The following ERBB4 variants were observed in gnomAD, a reference collection of about 807,000 sequenced individuals.
The protein encoded by ERBB4 is receptor tyrosine-protein kinase erbB-4.
Under a neutral mutation model 158.0 loss-of-function variants are expected in ERBB4, and 42 were observed. That is an observed-to-expected ratio of 0.27 (90% CI 0.21 to 0.34). The LOEUF (loss-of-function observed/expected upper bound fraction) is 0.34, where lower values mean the gene tolerates loss of function less well. Ranked by LOEUF, ERBB4 falls within the 10% of genes least tolerant of loss-of-function variation. ERBB4 has a pLI of 1.00. For synonymous variants in ERBB4, 583 were observed against 558.7 expected, an observed-to-expected ratio of 1.04 and a Z score of -0.61; for missense variants, 1,333 against 1,624.1, an observed-to-expected ratio of 0.82 and a Z score of 3.08.
At chr2:211,659,677 T>C (rs896932271) in intron 15 of ERBB4, among the ~76,000 whole-genome samples, 1 of 152,122 alleles carries the variant, frequency 6.6e-6, no homozygotes, top group African/African-American at 2.4e-5. Flanking sequence ...AAAGTGTGAA[T>C]ATGAAAGATA....
At chr2:211,580,436 GCAC>G (rs2068032535) in intron 19 of ERBB4, among the ~76,000 whole-genome samples, 1 of 151,686 alleles carries the variant, frequency 6.6e-6, no homozygotes, top group Admixed American at 6.6e-5. Context: ...CAAATCAAAA[GCAC>G]AATGAGATAC....
chr2:211,877,168 T>C (rs577964718), intron 3 of ERBB4, among the ~76,000 whole-genome samples: 1 of 152,324 alleles, frequency 6.6e-6, no homozygotes, highest in East Asian at 1.9e-4. Context: ...AAAAGGTATA[T>C]GTATTTTATC....
intron 25 of ERBB4, among the ~76,000 whole-genome samples, chr2:211,405,260 G>T (rs1574423813): frequency 6.6e-6 from 1 of 152,048 alleles, no homozygotes; most frequent in East Asian, 1.9e-4. Flanking sequence ...TGAATTAAAA[G>T]AAAATATGAG....
chr2:212,022,693 A>G (rs1479082876), intron 2 of ERBB4, among the ~76,000 whole-genome samples: 1 of 152,140 alleles, frequency 6.6e-6, no homozygotes, highest in Non-Finnish European at 1.5e-5. Context: ...TTAAAAAATA[A>G]AAAACATAAA....
In ERBB4 at chr2:212,314,208, T is replaced by C. The variant is rs555859436; in HGVS notation, c.83-189305A>G. 4.6e-5 allele frequency among the ~76,000 whole-genome samples: 7 copies of C among 151,334 alleles called. No homozygotes were observed. The South Asian group carries it at 1.2e-3, about 27-fold the overall frequency. On this transcript the variant is annotated intron_variant, in intron 1 of 27. Coordinates refer to ENST00000342788, the MANE Select transcript of ERBB4 (RefSeq NM_005235.3). ...TTTGCCAAAAATATTTTTAAAAGCA[T>C]TGAATTGAAAATCTTGTTTTTAAGT...
intron 3 of ERBB4, among the ~76,000 whole-genome samples, chr2:211,842,949 C>G (rs1430730678): frequency 6.6e-6 from 1 of 152,024 alleles, no homozygotes; most frequent in Non-Finnish European, 1.5e-5. Context: ...TGGACAACTC[C>G]ACTTCTTCTG....
chr2:212,098,390 C>T (rs1176962865), intron 2 of ERBB4, among the ~76,000 whole-genome samples: 5 of 152,138 alleles, frequency 3.3e-5, no homozygotes, highest in Non-Finnish European at 5.9e-5. Context: ...TGAGAAAAAT[C>T]CTCATGGCCT....
intron 13 of ERBB4, 50 bp from the exon 14 acceptor site, chr2:211,673,307 T>C (rs2071917898): frequency 1.5e-6 from 2 of 1,343,108 alleles, no homozygotes. Flanking sequence ...AAGCGTCAAC[T>C]TAACAAATGA....
At chr2:212,489,039 A>C (rs1208554453) in intron 1 of ERBB4, among the ~76,000 whole-genome samples, 1 of 150,902 alleles carries the variant, frequency 6.6e-6, no homozygotes, top group African/African-American at 2.4e-5. Context: ...GCAATTGATA[A>C]AAGTTAATTG....
chr2:211,519,419 C>T (rs1263476985), intron 20 of ERBB4, among the ~76,000 whole-genome samples: 1 of 152,058 alleles, frequency 6.6e-6, no homozygotes, highest in Non-Finnish European at 1.5e-5. Flanking sequence ...TCCCTATCTC[C>T]TCCACTGCCA....
rs1176092000 is a variant in ERBB4 at position 211,464,982 on chromosome 2, CTTT to C, written c.2488-33885_2488-33883del. Among the ~76,000 whole-genome samples, 6 of 21,404 alleles carry C rather than the reference CTTT, an allele frequency of 2.8e-4. No individual in the cohort carries two copies. In the South Asian group the frequency reaches 0.016, roughly 56 times the overall value. 14.0% of individuals were successfully genotyped at this position (21,404 alleles called of 152,430 possible). A position where few individuals can be genotyped will look rare whatever the true frequency, so the allele number is the denominator to read the frequency against. Reference sequence around the variant, plus strand: ...CTTACCTTGTTTTTCTTTTTTTTTTCTTTTTTTTTTTTTTGAGGCAAGGTCTTC... The same window carrying C: ...CTTACCTTGTTTTTCTTTTTTTTTTCTTTTTTTTTTTGAGGCAAGGTCTTC... On this transcript the variant is annotated intron_variant, in intron 20 of 27. Transcript: ENST00000342788.
chr2:211,586,466 A>G (rs2068281694), intron 19 of ERBB4, among the ~76,000 whole-genome samples: 1 of 152,144 alleles, frequency 6.6e-6, no homozygotes, highest in African/African-American at 2.4e-5. Flanking sequence ...TTAAAGTTAG[A>G]TATTGATCTG....
At chr2:211,800,058 T>C (rs1176475142) in intron 3 of ERBB4, among the ~76,000 whole-genome samples, 1 of 152,174 alleles carries the variant, frequency 6.6e-6, no homozygotes, top group Non-Finnish European at 1.5e-5. Context: ...AATATAGAAC[T>C]TTCCTTTTTA....
chr2:212,174,829 A>T (rs1354509736), intron 1 of ERBB4, among the ~76,000 whole-genome samples: 3 of 152,078 alleles, frequency 2.0e-5, no homozygotes, highest in African/African-American at 7.2e-5. Context: ...AAGAATTTAA[A>T]TTGCTGCTGT....
chr2:212,207,802 G>A (rs1352999210), intron 1 of ERBB4, among the ~76,000 whole-genome samples: 1 of 151,842 alleles, frequency 6.6e-6, no homozygotes, highest in African/African-American at 2.4e-5. Context: ...CTTTATAGTA[G>A]GTCATTTACT....
intron 2 of ERBB4, among the ~76,000 whole-genome samples, chr2:212,082,752 GTAA>G (rs1382029105): frequency 6.6e-6 from 1 of 151,974 alleles, no homozygotes; most frequent in East Asian, 1.9e-4. Flanking sequence ...CCAGGTAAAA[GTAA>G]TAACTCAGCA....
chr2:211,788,126 T>C lies in ERBB4; in HGVS notation c.455A>G (p.Asn152Ser), dbSNP rs1420986672. The change falls in exon 4 of 28, where the codon AAC (asparagine) becomes AGC (serine). Residue 152 changes from asparagine (N) to serine (S), a missense_variant. Around this residue, in one of 5 missense-constraint regions of ERBB4, gnomAD observed 438 missense variants for 586.9 expected, o/e 0.75. Transcript: ENST00000342788. ...GGTGTCTGCATAACAAAGGAATTTG[T>C]TCTGGTCTACATAGACTCCACCATT... ...ILNGGVYVDQ[N>S]KFLCYADTIH... 1 of 1,613,024 alleles carries C rather than the reference T, an allele frequency of 6.2e-7. No homozygotes were observed. The highest frequency in any genetic ancestry group is 8.5e-7 in the Non-Finnish European group (1 of 1,179,118).
chr2:212,170,583 A>G (rs2081484791), intron 1 of ERBB4, among the ~76,000 whole-genome samples: 1 of 152,122 alleles, frequency 6.6e-6, no homozygotes, highest in Non-Finnish European at 1.5e-5. Flanking sequence ...AAGGAGGAAA[A>G]AATGGTTTAG....
intron 3 of ERBB4, among the ~76,000 whole-genome samples, chr2:211,910,401 T>C (rs2079512107): frequency 6.8e-6 from 1 of 146,546 alleles, no homozygotes. Context: ...TCTCTTCCTG[T>C]GTTAGTTTGC....
Sources: gnomAD v4.1 joint callset for allele counts (sites outside exome capture counted in the v4.1 genomes callset) on GRCh38, gnomAD v4.1.1 for gene constraint, gnomAD v4.1.1 regional missense constraint, MANE v1.5 for transcripts, NCBI Gene and HGNC (gene_info 2026-07-23, HGNC 2026-07-21) for gene names.